The following TUBGCP3 variants were observed in gnomAD, a reference collection of about 807,000 sequenced individuals.
TUBGCP3 encodes the protein tubulin gamma complex component 3.
In TUBGCP3, 50 loss-of-function variants were observed where a neutral mutation model predicts 123.1. That is an observed-to-expected ratio of 0.41 (90% CI 0.32 to 0.51). The LOEUF (loss-of-function observed/expected upper bound fraction) is 0.51. TUBGCP3 is among the 20% of genes least tolerant of loss of function. TUBGCP3 has a pLI of 0.36. For missense variants in TUBGCP3, 882 were observed against 1,127.0 expected, an observed-to-expected ratio of 0.78 and a Z score of 3.11; for synonymous variants, 405 against 413.9, an observed-to-expected ratio of 0.98 and a Z score of 0.26.
At chr13:112,567,851 AAAC>A (rs1881074973) in intron 2 of TUBGCP3, among the ~76,000 whole-genome samples, 1 of 152,228 alleles carries the variant, frequency 6.6e-6, no homozygotes, top group Non-Finnish European at 1.5e-5. Context: ...CAGGGGTGGA[AAAC>A]TGTGCCACGC....
chr13:112,565,257 AC>A, intron 2 of TUBGCP3, 79 bp from the exon 3 acceptor site: 1 of 1,241,252 alleles, frequency 8.1e-7, no homozygotes, highest in Non-Finnish European at 1.2e-6. Flanking sequence ...CACCTACAAC[AC>A]CATAACTCGC....
At position 112,495,427 on chromosome 13, in the gene TUBGCP3, G is replaced by T. The variant is rs1287581095; in HGVS notation, c.2448+3618C>A. On this transcript the variant is annotated intron_variant, in intron 20 of 21. Transcript: ENST00000261965. ...CTTCCAATATTTCACCCCCAAGAAT[G>T]ATGTCTTATTATAAAATTATTCATG... is the stretch of plus-strand genomic sequence containing the variant. Among the ~76,000 whole-genome samples, 8 of 152,230 alleles carry T rather than the reference G, an allele frequency of 5.3e-5. No individual in the cohort carries two copies. The East Asian group carries it at 1.5e-3, about 29-fold the overall frequency.
intron 17 of TUBGCP3, among the ~76,000 whole-genome samples, chr13:112,515,218 G>A (rs1364861911): frequency 3.9e-5 from 6 of 152,170 alleles, no homozygotes; most frequent in Admixed American, 2.6e-4. Context: ...AAACTATATC[G>A]CAACCAGCCC....
chr13:112,600,709 G>C, the TUBGCP3 span, among the ~76,000 whole-genome samples: 1 of 152,046 alleles, frequency 6.6e-6, no homozygotes, highest in African/African-American at 2.4e-5. Context: ...TAGGATCGAA[G>C]GATGCTTTTT....
At chr13:112,575,582 C>A (rs1238752360) in intron 1 of TUBGCP3, among the ~76,000 whole-genome samples, 1 of 152,184 alleles carries the variant, frequency 6.6e-6, no homozygotes. Flanking sequence ...TCAACTTGAA[C>A]ACCAACAACC....
intron 11 of TUBGCP3, among the ~76,000 whole-genome samples, chr13:112,529,981 G>A (rs1353555628): frequency 1.3e-5 from 2 of 152,174 alleles, no homozygotes; most frequent in African/African-American, 4.8e-5. Context: ...AGAAGACCCT[G>A]AAAACGGTAT....
the TUBGCP3 span, chr13:112,602,917 A>G: frequency 6.6e-6 from 1 of 151,986 alleles, no homozygotes; most frequent in South Asian, 2.1e-4. Flanking sequence ...TAATGTGACT[A>G]TAAGATTACC....
intron 1 of TUBGCP3, among the ~76,000 whole-genome samples, chr13:112,581,763 G>A (rs539994191): frequency 1.8e-4 from 28 of 152,236 alleles, no homozygotes; most frequent in Non-Finnish European, 3.8e-4. Context: ...ATTATTTTTA[G>A]GTTACCATTT....
rs1594186665 is a variant in TUBGCP3 at position 112,551,607 on chromosome 13, G to A, written c.966+2450C>T. Among the ~76,000 whole-genome samples the A allele has an allele frequency of 2.0e-5, 3 of 152,340 alleles. No homozygotes were observed. The East Asian group carries it at 5.8e-4, about 29-fold the overall frequency. On this transcript the variant is annotated intron_variant, in intron 8 of 21. Coordinates refer to ENST00000261965, the MANE Select transcript of TUBGCP3 (RefSeq NM_006322.6). ...AGAACAGAGACAGCTTTGGAACAGA[G>A]TGACACGTCACACCCTAGTCCATAC...
rs557712341 is a variant in TUBGCP3, at chr13:112,495,205, T to TAATC, written c.2448+3839_2448+3840insGATT. Among the ~76,000 whole-genome samples, 1,029 of 152,350 alleles carry TAATC rather than the reference T, an allele frequency of 6.8e-3. 9 individuals carry two copies. The highest frequency in any genetic ancestry group is 0.011 in the Non-Finnish European group (773 of 68,028). ...ATTTCCATAATGTGAGGTCTTAGAT[T>TAATC]TAAGTCTTTAATCCATTTTGATTTG... On this transcript the variant is annotated intron_variant, in intron 20 of 21. Transcript: ENST00000261965.
chr13:112,551,168 A>G (rs544607048), intron 8 of TUBGCP3, among the ~76,000 whole-genome samples: 7 of 152,332 alleles, frequency 4.6e-5, no homozygotes, highest in Admixed American at 3.9e-4. Flanking sequence ...GAATCTAAGT[A>G]TTTATATACA....
At chr13:112,494,511 G>T (rs79651253) in intron 20 of TUBGCP3, among the ~76,000 whole-genome samples, 1 of 152,214 alleles carries the variant, frequency 6.6e-6, no homozygotes, top group Non-Finnish European at 1.5e-5. Flanking sequence ...CACAGGCCAC[G>T]GAGCAACAGT....
intron 1 of TUBGCP3, among the ~76,000 whole-genome samples, chr13:112,573,760 A>G (rs1881596032): frequency 6.6e-6 from 1 of 152,198 alleles, no homozygotes; most frequent in Admixed American, 6.5e-5. Flanking sequence ...CCCAACTTCT[A>G]TGACTCTAGA....
chr13:112,534,024 G>A (rs961902658), intron 11 of TUBGCP3, among the ~76,000 whole-genome samples: 2 of 152,016 alleles, frequency 1.3e-5, no homozygotes, highest in Admixed American at 6.6e-5. Flanking sequence ...AGAGGATTGC[G>A]AGTGTGGAAG....
intron 1 of TUBGCP3, among the ~76,000 whole-genome samples, chr13:112,576,388 T>C (rs577151504): frequency 1.3e-5 from 2 of 152,318 alleles, no homozygotes; most frequent in African/African-American, 4.8e-5. Flanking sequence ...CTTGCAGTCA[T>C]GGGTGAATGA....
rs111889974 is a variant in TUBGCP3 at position 112,520,151 on chromosome 13, A to C, written c.1746-130T>G. On this transcript the variant is annotated intron_variant, in intron 14 of 21. Coordinates refer to ENST00000261965, the MANE Select transcript of TUBGCP3 (RefSeq NM_006322.6). ...AAAAGACAAATGGGACCAATACAATAATGCGGCAACAAAAGCTTCAGAGCA... is the reference window on the plus strand; with the variant it reads ...AAAAGACAAATGGGACCAATACAATCATGCGGCAACAAAAGCTTCAGAGCA... 7.8e-6 allele frequency: 6 copies of C among 768,206 alleles called. No individual in the cohort carries two copies. The African/African-American group carries it at 1.1e-4, about 14-fold the overall frequency. The allele number at this position is 768,206 out of a possible 1,614,324, so 47.6% of individuals were successfully genotyped here. A position where few individuals can be genotyped will look rare whatever the true frequency, so the allele number is the denominator to read the frequency against.
At chr13:112,558,168 GA>G (rs1161025942) in intron 5 of TUBGCP3, 27 bp downstream of exon 5, 7 of 1,586,814 alleles carry the variant, frequency 4.4e-6, no homozygotes, top group Non-Finnish European at 6.0e-6. Flanking sequence ...AACACATAGA[GA>G]ATCTATACAC....
rs370055181 is a variant in TUBGCP3 at position 112,546,305 on chromosome 13, C to T, written c.1169-440G>A. On this transcript the variant is annotated intron_variant, in intron 10 of 21. Coordinates refer to ENST00000261965, the MANE Select transcript of TUBGCP3 (RefSeq NM_006322.6). ...CTTTTTTTTTGGTATGGTATGCTAGCCCCAGCCCATTAACTGGTTTCATAA... is the reference window on the plus strand; with the variant it reads ...CTTTTTTTTTGGTATGGTATGCTAGTCCCAGCCCATTAACTGGTTTCATAA... The T allele has an allele frequency of 1.2e-4, 21 of 168,274 alleles. No homozygotes were observed. The South Asian group carries it at 3.1e-3, about 25-fold the overall frequency. The allele number at this position is 168,274 out of a possible 1,614,324, so 10.4% of individuals were successfully genotyped here. A position where few individuals can be genotyped will look rare whatever the true frequency, so the allele number is the denominator to read the frequency against.
Position 112,519,176 on chromosome 13 carries a change from G to T in TUBGCP3, c.1882-133C>A. On this transcript the variant is annotated intron_variant, in intron 15 of 21. Coordinates refer to ENST00000261965, the MANE Select transcript of TUBGCP3 (RefSeq NM_006322.6). The surrounding 1 kb of genome is among the most constrained non-coding windows in gnomAD (Gnocchi z 6.2). Reference sequence around the variant, plus strand: ...TCAACAGTTCTGAGTGCATCTTCTTGTTAACTTCTACAACCTCACCAATTA... The same window carrying T: ...TCAACAGTTCTGAGTGCATCTTCTTTTTAACTTCTACAACCTCACCAATTA... 1 of 703,834 alleles carries T rather than the reference G, an allele frequency of 1.4e-6. No individual in the cohort carries two copies. The highest frequency in any genetic ancestry group is 2.5e-6 in the Non-Finnish European group (1 of 393,848). 43.6% of individuals were successfully genotyped at this position (703,834 alleles called of 1,614,324 possible).
Sources: gnomAD v4.1 joint callset for allele counts (sites outside exome capture counted in the v4.1 genomes callset) on GRCh38, gnomAD v4.1.1 for gene constraint, Gnocchi (gnomAD v3.1) non-coding constraint, MANE v1.5 for transcripts, NCBI Gene and HGNC (gene_info 2026-07-23, HGNC 2026-07-21) for gene names.